Variants in CDK14 observed in about 807,000 individuals in gnomAD.
CDK14 encodes cyclin dependent kinase 14.
In CDK14, 34 loss-of-function variants were observed where a neutral mutation model predicts 60.7. The ratio of observed to expected loss-of-function variants is 0.56; its 90% CI spans 0.43 to 0.75. The LOEUF (loss-of-function observed/expected upper bound fraction) is 0.75, where lower values mean the gene tolerates loss of function less well. Among genes scored for constraint, CDK14 ranks in the 30% least tolerant of loss-of-function variants. The pLI is 0.00. For missense variants in CDK14, 482 were observed against 564.1 expected (o/e 0.85, Z 1.47); for synonymous variants, 197 against 203.7 (o/e 0.97, Z 0.28).
chr7:90,685,648 AATTTTTT>A (rs1801415769), intron 2 of CDK14, among the ~76,000 whole-genome samples: 1 of 101,658 alleles, frequency 9.8e-6, no homozygotes, highest in African/African-American at 3.9e-5. Flanking sequence ...CCAGCCAATT[AATTTTTT>A]TTTTTTTTTT....
intron 14 of CDK14, among the ~76,000 whole-genome samples, chr7:91,203,275 G>A (rs1026787179): frequency 1.3e-5 from 2 of 152,152 alleles, no homozygotes; most frequent in African/African-American, 2.4e-5. Context: ...GTGCCATAGG[G>A]AACTCTACAT....
intron 2 of CDK14, among the ~76,000 whole-genome samples, chr7:90,628,465 C>T (rs1055248568): frequency 6.6e-6 from 1 of 152,116 alleles, no homozygotes; most frequent in African/African-American, 2.4e-5. Context: ...TCCATATGAT[C>T]TATTCTGCCA....
intron 14 of CDK14, among the ~76,000 whole-genome samples, chr7:91,167,825 G>A (rs1018901412): frequency 6.6e-6 from 1 of 152,172 alleles, no homozygotes; most frequent in African/African-American, 2.4e-5. Context: ...AAAGAATAGT[G>A]TCTACCACAT....
chr7:91,076,044 C>G (rs1286030504), intron 11 of CDK14, among the ~76,000 whole-genome samples: 1 of 151,290 alleles, frequency 6.6e-6, no homozygotes, highest in Non-Finnish European at 1.5e-5. Flanking sequence ...CCATACTCCC[C>G]AAAGTAATTT....
chr7:90,734,453 A>C (rs1223552978), intron 3 of CDK14, among the ~76,000 whole-genome samples: 1 of 152,180 alleles, frequency 6.6e-6, no homozygotes, highest in Non-Finnish European at 1.5e-5. Context: ...CATCAGTCAA[A>C]TATAGATTTT....
At chr7:90,888,935 A>G (rs1213055474) in intron 6 of CDK14, among the ~76,000 whole-genome samples, 1 of 152,252 alleles carries the variant, frequency 6.6e-6, no homozygotes, top group Non-Finnish European at 1.5e-5. Context: ...CAGAGGGCAT[A>G]TAAATCATAC....
chr7:91,106,624 A>G (rs1028063477), intron 12 of CDK14, among the ~76,000 whole-genome samples: 8 of 152,240 alleles, frequency 5.3e-5, no homozygotes, highest in Admixed American at 4.6e-4. Flanking sequence ...TGTCATTAGA[A>G]TTAAAGTATT....
chr7:90,748,102 A>C (rs76560189), intron 4 of CDK14, among the ~76,000 whole-genome samples: 5,293 of 152,252 alleles, frequency 0.035, 127 homozygotes, highest in South Asian at 0.1. Context: ...ATAGAGATTT[A>C]GTGTTGGGAA....
At chr7:90,879,902 C>G (rs1056156586) in intron 6 of CDK14, among the ~76,000 whole-genome samples, 3 of 152,056 alleles carry the variant, frequency 2.0e-5, no homozygotes, top group Non-Finnish European at 4.4e-5. Context: ...AGAAGGGAGA[C>G]TGTGAGTGGT....
At chr7:90,672,317 C>T (rs1801111331) in intron 2 of CDK14, among the ~76,000 whole-genome samples, 1 of 151,902 alleles carries the variant, frequency 6.6e-6, no homozygotes, top group Admixed American at 6.6e-5. Context: ...TAGCTATCAC[C>T]CACTTACGTG....
chr7:90,974,544 T>C (rs916295333), intron 9 of CDK14, among the ~76,000 whole-genome samples: 14 of 152,194 alleles, frequency 9.2e-5, no homozygotes, highest in African/African-American at 3.4e-4. Context: ...AACTTTTGCC[T>C]TGAGAATTAG....
At chr7:90,889,602 G>A (rs1452649629) in intron 6 of CDK14, among the ~76,000 whole-genome samples, 1 of 152,170 alleles carries the variant, frequency 6.6e-6, no homozygotes, top group Admixed American at 6.5e-5. Context: ...ATAAACTATT[G>A]CACTGTGATT....
chr7:90,597,509 C>G (rs1443568215), intron 1 of CDK14, among the ~76,000 whole-genome samples: 1 of 152,080 alleles, frequency 6.6e-6, no homozygotes, highest in Non-Finnish European at 1.5e-5. Context: ...ATAGAAAACC[C>G]CTTTTAACCT....
At chr7:90,874,589 C>T (rs1255878230) in intron 6 of CDK14, among the ~76,000 whole-genome samples, 51 of 126,532 alleles carry the variant, frequency 4.0e-4, no homozygotes, top group Non-Finnish European at 6.5e-4. Context: ...ACTGCAGTGG[C>T]GCAATCTCGG....
chr7:90,903,026 C>G (rs979698259), intron 7 of CDK14, among the ~76,000 whole-genome samples: 1 of 152,026 alleles, frequency 6.6e-6, no homozygotes, highest in African/African-American at 2.4e-5. Context: ...AAAATCAAAA[C>G]CACAGTGAAA....
intron 8 of CDK14, among the ~76,000 whole-genome samples, chr7:90,952,873 T>C (rs990833288): frequency 6.6e-6 from 1 of 152,196 alleles, no homozygotes; most frequent in Non-Finnish European, 1.5e-5. Flanking sequence ...TTAATAAATT[T>C]TGCATGAGTA....
intron 14 of CDK14, among the ~76,000 whole-genome samples, chr7:91,141,614 A>C (rs1800461025): frequency 6.6e-6 from 1 of 151,208 alleles, no homozygotes. Context: ...GTCAGAAAAA[A>C]AAAGAGAGAA....
chr7:90,901,001 T>G (rs1437488005), intron 7 of CDK14, among the ~76,000 whole-genome samples: 1 of 152,190 alleles, frequency 6.6e-6, no homozygotes, highest in East Asian at 1.9e-4. Flanking sequence ...ACGTTCTGCT[T>G]CTTCCATTAC....
intron 4 of CDK14, among the ~76,000 whole-genome samples, chr7:90,771,127 C>T (rs879929775): frequency 1.3e-5 from 2 of 152,178 alleles, no homozygotes; most frequent in Non-Finnish European, 2.9e-5. Flanking sequence ...TCTATAAGTC[C>T]TCACTTGTTC....
Sources: allele counts gnomAD v4.1 joint callset (sites outside exome capture counted in the v4.1 genomes callset), GRCh38; gene constraint gnomAD v4.1.1; transcripts MANE v1.5; gene names NCBI Gene and HGNC (gene_info 2026-07-23, HGNC 2026-07-21).